ERCC6L2: variants seen among roughly 807,000 people sequenced by gnomAD.
ERCC6L2 encodes DNA excision repair protein ERCC-6-like 2.
In ERCC6L2, 77 loss-of-function variants were observed where a neutral mutation model predicts 132.0. That is an observed-to-expected ratio of 0.58 (90% CI 0.49 to 0.71). The LOEUF is 0.71. ERCC6L2 is among the 30% of genes least tolerant of loss of function. The pLI, the probability that ERCC6L2 is intolerant of heterozygous loss-of-function variation, is 0.00. For synonymous variants in ERCC6L2, 583 were observed against 632.4 expected (o/e 0.92, Z 1.17); for missense variants, 1,542 against 1,837.6 (o/e 0.84, Z 2.94).
chr9:95,937,987 T>C (rs890652463), intron 11 of ERCC6L2, among the ~76,000 whole-genome samples: 11 of 151,966 alleles, frequency 7.2e-5, no homozygotes, highest in African/African-American at 2.4e-4. Flanking sequence ...CCTACATATT[T>C]TGATATGTTG....
In ERCC6L2 at chr9:95,915,663, T is replaced by A; in HGVS notation, c.789-5T>A. On this transcript the variant is annotated splice_polypyrimidine_tract_variant and splice_region_variant and intron_variant, in intron 4 of 18. Coordinates refer to ENST00000653738, the MANE Select transcript of ERCC6L2 (RefSeq NM_020207.7). ...ACCTCACCCTTCTTTTTTCTTACTTTATAGTTTGGAATGGTCAGCTGTCAT... is the reference window on the plus strand; with the variant it reads ...ACCTCACCCTTCTTTTTTCTTACTTAATAGTTTGGAATGGTCAGCTGTCAT... 6.2e-7 allele frequency: 1 copy of A among 1,603,758 alleles called. No homozygotes were observed. The highest frequency in any genetic ancestry group is 1.1e-5 in the South Asian group (1 of 89,066).
chr9:96,035,039 G>A (rs913904259), intron 19 of ERCC6L2, among the ~76,000 whole-genome samples: 18 of 152,138 alleles, frequency 1.2e-4, no homozygotes, highest in African/African-American at 4.3e-4. Flanking sequence ...GGGGGCCTGG[G>A]AAGGACTCCC....
chr9:95,918,516 C>A, intron 6 of ERCC6L2: 1 of 495,594 alleles, frequency 2.0e-6, no homozygotes, highest in South Asian at 1.5e-5. Context: ...AACATACCTA[C>A]TTGCTAAAGA....
intron 11 of ERCC6L2, among the ~76,000 whole-genome samples, chr9:95,937,217 A>G (rs1056842371): frequency 6.6e-6 from 1 of 152,178 alleles, no homozygotes; most frequent in East Asian, 1.9e-4. Flanking sequence ...CAAAGTGGCT[A>G]TATGGTTTTA....
intron 2 of ERCC6L2, among the ~76,000 whole-genome samples, chr9:95,886,367 A>G (rs1009521469): frequency 6.6e-6 from 1 of 152,100 alleles, no homozygotes; most frequent in Non-Finnish European, 1.5e-5. Context: ...TTAAAAAAAA[A>G]ATACATTTAG....
At chr9:95,880,474 C>G (rs550977989) in intron 1 of ERCC6L2, among the ~76,000 whole-genome samples, 8 of 152,282 alleles carry the variant, frequency 5.3e-5, no homozygotes, top group African/African-American at 1.7e-4. Flanking sequence ...GTCAGTGGCT[C>G]TCAACCCTGG....
rs79171770 is a variant in ERCC6L2 at position 95,887,200 on chromosome 9, G to T, written c.471+5907G>T. Among the ~76,000 whole-genome samples, 12 of 152,068 alleles carry T rather than the reference G, an allele frequency of 7.9e-5. No individual in the cohort carries two copies. In the East Asian group the frequency reaches 1.4e-3, roughly 17 times the overall value. On this transcript the variant is annotated intron_variant, in intron 2 of 18. Coordinates refer to ENST00000653738, the MANE Select transcript of ERCC6L2 (RefSeq NM_020207.7). ...TCATCTAGTCTGGTAAGTGGGTTGGGGGGGAGAAACAAGCCTGCCTGGGGG... is the reference window on the plus strand; with the variant it reads ...TCATCTAGTCTGGTAAGTGGGTTGGTGGGGAGAAACAAGCCTGCCTGGGGG...
chr9:95,980,196 A>G (rs1375705246), intron 17 of ERCC6L2, among the ~76,000 whole-genome samples: 1 of 152,188 alleles, frequency 6.6e-6, no homozygotes, highest in African/African-American at 2.4e-5. Flanking sequence ...CAATCTCATT[A>G]GAAACCTTGT....
chr9:95,958,907 G>A (rs1831755260), intron 13 of ERCC6L2, among the ~76,000 whole-genome samples: 1 of 151,692 alleles, frequency 6.6e-6, no homozygotes, highest in African/African-American at 2.4e-5. Context: ...AACATTCCAT[G>A]CTCACGGATA....
chr9:96,024,934 A>T (rs910430233), intron 19 of ERCC6L2, among the ~76,000 whole-genome samples: 3 of 152,152 alleles, frequency 2.0e-5, no homozygotes, highest in African/African-American at 7.2e-5. Flanking sequence ...GGATGCTTCC[A>T]TTCCTCTCAG....
intron 4 of ERCC6L2, among the ~76,000 whole-genome samples, chr9:95,914,103 A>G (rs949264376): frequency 3.3e-5 from 5 of 152,200 alleles, no homozygotes; most frequent in African/African-American, 1.2e-4. Flanking sequence ...TGCTTTTCCA[A>G]AAGCAGTGTT....
At chr9:96,006,636 C>T (rs536596573) in intron 18 of ERCC6L2, among the ~76,000 whole-genome samples, 1 of 152,140 alleles carries the variant, frequency 6.6e-6, no homozygotes, top group Non-Finnish European at 1.5e-5. Flanking sequence ...AAAAAGAGAT[C>T]ATGTCAGAGA....
chr9:95,884,801 T>C (rs537951979), intron 2 of ERCC6L2, among the ~76,000 whole-genome samples: 10 of 152,220 alleles, frequency 6.6e-5, no homozygotes, highest in Non-Finnish European at 1.2e-4. Flanking sequence ...AGAAAGAACG[T>C]ATATTTACCT....
At position 95,916,312 on chromosome 9, in the gene ERCC6L2, A is replaced by G. The variant is rs1829585268; in HGVS notation, c.1036A>G (p.Thr346Ala). The change falls in exon 6 of 19, where the codon ACA becomes GCA. Residue 346 changes from threonine (T) to alanine (A), a missense_variant. Around this residue, in one of 4 missense-constraint regions of ERCC6L2, gnomAD observed 945 missense variants for 1,105.2 expected, o/e 0.86. Transcript: ENST00000653738. The stretch of plus-strand genomic sequence containing the variant: ...AGAACATGGTCAGAGACACACGGCA[A>G]CAAAGAGAGAACTAGCCACTGGCCG... Reference protein sequence around the residue: ...PVEHGQRHTATKRELATGRKA... With the variant: ...PVEHGQRHTAAKRELATGRKA... The G allele has an allele frequency of 3.7e-6, 6 of 1,614,050 alleles. No individual in the cohort carries two copies. The highest frequency in any genetic ancestry group is 5.1e-6 in the Non-Finnish European group (6 of 1,180,024).
At chr9:96,001,178 G>A (rs1184998726) in intron 17 of ERCC6L2, among the ~76,000 whole-genome samples, 5 of 152,192 alleles carry the variant, frequency 3.3e-5, no homozygotes, top group South Asian at 2.1e-4. Context: ...TAAAAGCAGC[G>A]TGGACCCAAA....
intron 19 of ERCC6L2, among the ~76,000 whole-genome samples, chr9:96,025,055 T>C (rs1305523625): frequency 6.6e-6 from 1 of 152,240 alleles, no homozygotes; most frequent in Non-Finnish European, 1.5e-5. Flanking sequence ...CCTGAACCAC[T>C]GGAATAGCTT....
At chr9:96,035,412 C>T (rs1021153914) in intron 19 of ERCC6L2, among the ~76,000 whole-genome samples, 3 of 152,190 alleles carry the variant, frequency 2.0e-5, no homozygotes, top group African/African-American at 7.2e-5. Context: ...GCCTGGTGCT[C>T]AGCCAGGGTA....
At chr9:95,894,584 CTTTTTTTTTTTT>C (rs1218474585) in intron 2 of ERCC6L2, among the ~76,000 whole-genome samples, 10 of 83,496 alleles carry the variant, frequency 1.2e-4, no homozygotes, top group African/African-American at 3.6e-4. Context: ...ATATGTCAGC[CTTTTTTTTTTTT>C]TTTTTTTTTT....
In ERCC6L2 at chr9:95,972,078, C is replaced by G. The variant is rs1832438962; in HGVS notation, c.2327C>G (p.Pro776Arg). The G allele has an allele frequency of 7.7e-7, 1 of 1,304,090 alleles. No homozygotes were observed. The highest frequency in any genetic ancestry group is 2.3e-5 in the Admixed American group (1 of 43,528). 80.8% of individuals were successfully genotyped at this position (1,304,090 alleles called of 1,614,324 possible). ...ATAAAGACTGCCAAAAACAAAGCAC[C>G]CGATTCAAGTAAAGCTTCCAGCTCT... is the stretch of plus-strand genomic sequence containing the variant. ...TGIKTAKNKAPDSSKASSSPG... is the reference protein window; with the variant it reads ...TGIKTAKNKARDSSKASSSPG... The change falls in exon 16 of 19, where the codon CCC becomes CGC. Residue 776 changes from proline to arginine, a missense_variant. Coordinates refer to ENST00000653738, the MANE Select transcript of ERCC6L2 (RefSeq NM_020207.7).
Sources: allele counts gnomAD v4.1 joint callset (sites outside exome capture counted in the v4.1 genomes callset), GRCh38; gene constraint gnomAD v4.1.1; regional missense constraint gnomAD v4.1.1; transcripts MANE v1.5; gene names NCBI Gene and HGNC (gene_info 2026-07-23, HGNC 2026-07-21).